ADGRL3: variants seen among roughly 807,000 people sequenced by gnomAD.
ADGRL3 encodes the protein adhesion G protein-coupled receptor L3.
Under a neutral mutation model 153.5 loss-of-function variants are expected in ADGRL3, and 62 were observed. The observed-to-expected ratio is 0.40, with a 90% CI of 0.33 to 0.50. ADGRL3 has a LOEUF of 0.50. Ranked by LOEUF, ADGRL3 falls within the 20% of genes least tolerant of loss-of-function variation. The pLI, the probability that ADGRL3 is intolerant of heterozygous loss-of-function variation, is 0.47. For synonymous variants in ADGRL3, 710 were observed against 672.5 expected (o/e 1.06, Z -0.86); for missense variants, 1,641 against 1,859.4 (o/e 0.88, Z 2.16).
At chr4:61,204,813 A>C (rs910397582) in intron 1 of ADGRL3, among the ~76,000 whole-genome samples, 1 of 152,098 alleles carries the variant, frequency 6.6e-6, no homozygotes, top group Non-Finnish European at 1.5e-5. Flanking sequence ...ATAAGCCAGT[A>C]TGTGATTTGC....
In ADGRL3 at chr4:62,078,262, T is replaced by C. The variant is rs983200082; in HGVS notation, c.*7354T>C. The C allele has an allele frequency of 1.2e-4, 18 of 151,902 alleles. No individual in the cohort carries two copies. Among genetic ancestry groups the C allele is most frequent in the Non-Finnish European group, 1.8e-4 (12 of 67,872 alleles). 9.4% of individuals were successfully genotyped at this position (151,902 alleles called of 1,614,324 possible). A position where few individuals can be genotyped will look rare whatever the true frequency, so the allele number is the denominator to read the frequency against. Reference sequence around the variant, plus strand: ...GTACAACCTTTACATCCTTTTTTTTTCCTTAAATGCTCTGTACAATCACAT... The same window carrying C: ...GTACAACCTTTACATCCTTTTTTTTCCCTTAAATGCTCTGTACAATCACAT... On this transcript the variant is annotated 3_prime_UTR_variant, in exon 27 of 27. Coordinates refer to ENST00000683033, the MANE Select transcript of ADGRL3 (RefSeq NM_001387552.1).
At chr4:62,012,951 A>G (rs1362573856) in intron 21 of ADGRL3, among the ~76,000 whole-genome samples, 1 of 152,168 alleles carries the variant, frequency 6.6e-6, no homozygotes, top group Non-Finnish European at 1.5e-5. Flanking sequence ...AAGAAAAGTC[A>G]CTGAGGTAAA....
At chr4:62,038,933 GA>G (rs891823665) in intron 24 of ADGRL3, among the ~76,000 whole-genome samples, 7 of 150,110 alleles carry the variant, frequency 4.7e-5, no homozygotes, top group East Asian at 3.9e-4. Context: ...TGATTCAGTA[GA>G]AAAAAAAAGC....
intron 1 of ADGRL3, among the ~76,000 whole-genome samples, chr4:61,366,953 T>G (rs1346701521): frequency 2.0e-5 from 3 of 152,178 alleles, no homozygotes; most frequent in Non-Finnish European, 4.4e-5. Context: ...AGCCCCACTT[T>G]AGGTTTACTG....
chr4:61,972,790 G>T (rs534678990), intron 17 of ADGRL3, among the ~76,000 whole-genome samples: 1 of 152,088 alleles, frequency 6.6e-6, no homozygotes, highest in Non-Finnish European at 1.5e-5. Flanking sequence ...CTACCCATGA[G>T]CATGGAATGT....
In ADGRL3 at chr4:61,200,623, C is replaced by G. The variant is rs549784550; in HGVS notation, c.-1382C>G. ...ACTCGCCCCCTCCCCTTTCTTTCTT[C>G]TCTTTTTGCCTTGGTCCTCTTCCTA... On this transcript the variant is annotated 5_prime_UTR_variant, in exon 1 of 27. Coordinates refer to ENST00000683033, the MANE Select transcript of ADGRL3 (RefSeq NM_001387552.1). Among the ~76,000 whole-genome samples the G allele has an allele frequency of 8.6e-4, 131 of 151,904 alleles. No homozygotes were observed. The highest frequency in any genetic ancestry group is 1.6e-3 in the Non-Finnish European group (109 of 67,916).
chr4:61,445,257 G>A (rs556240987), intron 2 of ADGRL3, among the ~76,000 whole-genome samples: 2 of 152,214 alleles, frequency 1.3e-5, no homozygotes, highest in African/African-American at 4.8e-5. Flanking sequence ...TGTGAAGTTA[G>A]CAACAGAGCC....
At chr4:61,838,241 C>A (rs1191221307) in intron 9 of ADGRL3, among the ~76,000 whole-genome samples, 6 of 151,922 alleles carry the variant, frequency 3.9e-5, no homozygotes, top group Non-Finnish European at 5.9e-5. Flanking sequence ...CATTTCATTG[C>A]ATATAAAGAT....
intron 5 of ADGRL3, among the ~76,000 whole-genome samples, chr4:61,651,617 G>C (rs1055459904): frequency 2.5e-4 from 37 of 149,428 alleles, no homozygotes; most frequent in African/African-American, 9.1e-4. Flanking sequence ...TTTTGTTTCT[G>C]TTTTTTTTTG....
intron 5 of ADGRL3, among the ~76,000 whole-genome samples, chr4:61,589,591 C>G (rs1007376607): frequency 6.6e-6 from 1 of 151,954 alleles, no homozygotes; most frequent in Non-Finnish European, 1.5e-5. Context: ...GCTTAAACTT[C>G]TAGAAAGAGA....
At chr4:61,959,327 C>T (rs748430039) in intron 17 of ADGRL3, among the ~76,000 whole-genome samples, 17 of 152,148 alleles carry the variant, frequency 1.1e-4, no homozygotes, top group Non-Finnish European at 1.0e-4. Flanking sequence ...TTTCTCTAGT[C>T]AAATTATAAT....
chr4:61,450,636 A>G (rs546940771), intron 2 of ADGRL3, among the ~76,000 whole-genome samples: 62 of 152,224 alleles, frequency 4.1e-4, no homozygotes, highest in Non-Finnish European at 7.2e-4. Flanking sequence ...GCAGTTGCTT[A>G]TTATTGAAAT....
intron 9 of ADGRL3, among the ~76,000 whole-genome samples, chr4:61,844,910 T>C (rs2098096194): frequency 6.6e-6 from 1 of 152,020 alleles, no homozygotes; most frequent in African/African-American, 2.4e-5. Flanking sequence ...ATTCTTCACA[T>C]GTCAGTTAAA....
At chr4:61,560,921 A>G (rs934377106) in intron 4 of ADGRL3, among the ~76,000 whole-genome samples, 2 of 152,126 alleles carry the variant, frequency 1.3e-5, no homozygotes, top group Non-Finnish European at 2.9e-5. Flanking sequence ...TTTCAGGTGA[A>G]AGGTCATGGT....
At chr4:61,708,196 A>G (rs570633930) in intron 6 of ADGRL3, among the ~76,000 whole-genome samples, 75 of 152,228 alleles carry the variant, frequency 4.9e-4, no homozygotes, top group Non-Finnish European at 8.5e-4. Flanking sequence ...TGGCTCTGGG[A>G]AAAAGTGGCC....
At chr4:61,354,772 G>T (rs1035552389) in intron 1 of ADGRL3, among the ~76,000 whole-genome samples, 2 of 152,064 alleles carry the variant, frequency 1.3e-5, no homozygotes, top group South Asian at 2.1e-4. Flanking sequence ...ATTCCAAGTC[G>T]TATACATTTC....
chr4:61,486,997 G>A lies in ADGRL3; in HGVS notation c.-173-10124G>A, dbSNP rs551863716. 2.6e-5 allele frequency among the ~76,000 whole-genome samples: 4 copies of A among 152,294 alleles called. No individual in the cohort carries two copies. The South Asian group carries it at 8.3e-4, about 32-fold the overall frequency. On this transcript the variant is annotated intron_variant, in intron 2 of 26. Coordinates refer to ENST00000683033, the MANE Select transcript of ADGRL3 (RefSeq NM_001387552.1). ...TGAAGATATTGAAGGCCTGTTTACG[G>A]CATGATTCTTGCAGGCTAAAGTTTG...
chr4:61,660,775 A>G (rs1325694896), intron 5 of ADGRL3, among the ~76,000 whole-genome samples: 1 of 152,104 alleles, frequency 6.6e-6, no homozygotes, highest in Non-Finnish European at 1.5e-5. Flanking sequence ...GTAACTTTCC[A>G]CATTAAACCC....
intron 17 of ADGRL3, among the ~76,000 whole-genome samples, chr4:61,959,800 A>G (rs1291413305): frequency 6.6e-6 from 1 of 152,170 alleles, no homozygotes; most frequent in Non-Finnish European, 1.5e-5. Context: ...TAGCTTTATT[A>G]TTAGAAAACA....
Sources: allele counts gnomAD v4.1 joint callset (sites outside exome capture counted in the v4.1 genomes callset), GRCh38; gene constraint gnomAD v4.1.1; transcripts MANE v1.5; gene names NCBI Gene and HGNC (gene_info 2026-07-23, HGNC 2026-07-21).